CNOT4: variants seen among roughly 807,000 people sequenced by gnomAD.
The protein encoded by CNOT4 is CCR4-associated factor 4.
In CNOT4, 8 loss-of-function variants were observed where a neutral mutation model predicts 73.8. That is an observed-to-expected ratio of 0.11 (90% confidence interval 0.06 to 0.20). CNOT4 has a LOEUF of 0.20. Among genes scored for constraint, CNOT4 ranks in the 10% least tolerant of loss-of-function variants. The pLI is 1.00. For missense variants in CNOT4, 564 were observed against 883.4 expected (o/e 0.64, Z 4.58); for synonymous variants, 293 against 321.1 (o/e 0.91, Z 0.94).
chr7:135,410,154 A>ATAGTAT (rs1797516724), intron 7 of CNOT4, among the ~76,000 whole-genome samples: 2 of 152,086 alleles, frequency 1.3e-5, no homozygotes, highest in African/African-American at 4.8e-5. Flanking sequence ...TTTCCCTTTT[A>ATAGTAT]TAGTATTTTC....
chr7:135,471,640 T>C (rs937613399), intron 1 of CNOT4, among the ~76,000 whole-genome samples: 7 of 152,250 alleles, frequency 4.6e-5, no homozygotes, highest in Non-Finnish European at 8.8e-5. Context: ...TATTTAATTA[T>C]TGTCTTTTAT....
rs372358752 is a variant in CNOT4, at chr7:135,426,341, G to A, written c.175-3988C>T. On this transcript the variant is annotated intron_variant, in intron 2 of 11. Transcript: ENST00000541284. ...ACAAAGGCTGGGCACGGTGGCTCAC[G>A]CCTGTAATCCCAGCACTTTGGGAGG... Among the ~76,000 whole-genome samples the A allele has an allele frequency of 4.6e-5, 7 of 152,232 alleles. No individual in the cohort carries two copies. In the East Asian group the frequency reaches 5.8e-4, roughly 13 times the overall value.
chr7:135,466,693 T>C (rs530120009), intron 1 of CNOT4, among the ~76,000 whole-genome samples: 11 of 152,312 alleles, frequency 7.2e-5, no homozygotes, highest in South Asian at 2.1e-4. Context: ...GCTCCATTCA[T>C]GGTGAATGCC....
chr7:135,408,304 A>G (rs1797405759), intron 7 of CNOT4, among the ~76,000 whole-genome samples: 1 of 152,196 alleles, frequency 6.6e-6, no homozygotes, highest in Non-Finnish European at 1.5e-5. Flanking sequence ...GAAATACTAC[A>G]TAGCCATAAA....
chr7:135,496,884 G>T (rs1803621504), intron 1 of CNOT4, among the ~76,000 whole-genome samples: 1 of 151,832 alleles, frequency 6.6e-6, no homozygotes, highest in Admixed American at 6.6e-5. Context: ...ACAGCTCACT[G>T]CAGCCTCGAT....
rs55732572 is a variant in CNOT4 at position 135,453,826 on chromosome 7, T to TTATATA, written c.-92-15409_-92-15404dup. 4.7e-3 allele frequency among the ~76,000 whole-genome samples: 423 copies of TTATATA among 89,896 alleles called. 8 individuals are homozygous for TTATATA. The highest frequency in any genetic ancestry group is 0.014 in the African/African-American group (368 of 25,624). 59.0% of individuals were successfully genotyped at this position (89,896 alleles called of 152,430 possible). A position where few individuals can be genotyped will look rare whatever the true frequency, so the allele number is the denominator to read the frequency against. On this transcript the variant is annotated intron_variant, in intron 1 of 11. Coordinates refer to ENST00000541284, the MANE Select transcript of CNOT4 (RefSeq NM_001190850.2). ...AATATATATAATAAATATATATATT[T>TTATATA]TATATATATATATATATATATTATA...
intron 6 of CNOT4, among the ~76,000 whole-genome samples, chr7:135,413,061 G>A (rs934974704): frequency 1.1e-4 from 17 of 151,936 alleles, no homozygotes; most frequent in African/African-American, 3.9e-4. Context: ...TTTCTAGCAA[G>A]CTCTGTAAAG....
At chr7:135,448,373 T>A (rs1444398097) in intron 1 of CNOT4, among the ~76,000 whole-genome samples, 1 of 151,842 alleles carries the variant, frequency 6.6e-6, no homozygotes, top group African/African-American at 2.4e-5. Context: ...TGAAACTCCA[T>A]CTCCACTAAA....
At chr7:135,390,574 A>G (rs1435949416) in intron 10 of CNOT4, among the ~76,000 whole-genome samples, 2 of 152,150 alleles carry the variant, frequency 1.3e-5, no homozygotes, top group African/African-American at 2.4e-5. Context: ...TCACCTAATT[A>G]AGGAAATAAC....
intron 1 of CNOT4, among the ~76,000 whole-genome samples, chr7:135,461,999 A>C (rs574626572): frequency 6.6e-6 from 1 of 152,234 alleles, no homozygotes; most frequent in South Asian, 2.1e-4. Flanking sequence ...GACAGTCCAG[A>C]GATTTATTAA....
chr7:135,374,946 A>C (rs1043351037), intron 10 of CNOT4, among the ~76,000 whole-genome samples: 29 of 152,232 alleles, frequency 1.9e-4, no homozygotes, highest in Non-Finnish European at 4.4e-5. Flanking sequence ...GAACGCCTAA[A>C]AAAGTAACAT....
intron 7 of CNOT4, among the ~76,000 whole-genome samples, chr7:135,407,884 A>T (rs774936431): frequency 1.1e-4 from 17 of 152,252 alleles, no homozygotes; most frequent in Admixed American, 5.2e-4. Context: ...TGTATTTTGA[A>T]ACACAAATAA....
At position 135,509,882 on chromosome 7, in the gene CNOT4, G is replaced by C; in HGVS notation, c.-93+7C>G. 1 of 395,388 alleles carries C rather than the reference G, an allele frequency of 2.5e-6. No homozygotes were observed. Among genetic ancestry groups the C allele is most frequent in the Non-Finnish European group, 4.5e-6 (1 of 224,374 alleles). The allele number at this position is 395,388 out of a possible 1,614,324, so 24.5% of individuals were successfully genotyped here. On this transcript the variant is annotated splice_region_variant and intron_variant, in intron 1 of 11. Coordinates refer to ENST00000541284, the MANE Select transcript of CNOT4 (RefSeq NM_001190850.2). Reference sequence around the variant, plus strand: ...TTTCCCCTAAGCCCAGCCCCGCATAGACTCACCCGCCTGCCTTGCCTCGCT... The same window carrying C: ...TTTCCCCTAAGCCCAGCCCCGCATACACTCACCCGCCTGCCTTGCCTCGCT...
At chr7:135,471,835 G>A (rs573223314) in intron 1 of CNOT4, among the ~76,000 whole-genome samples, 3 of 152,298 alleles carry the variant, frequency 2.0e-5, no homozygotes, top group African/African-American at 7.2e-5. Context: ...ATGCCTAGCG[G>A]AGAGTTGGAA....
intron 7 of CNOT4, among the ~76,000 whole-genome samples, chr7:135,400,622 T>G (rs1796957738): frequency 6.6e-6 from 1 of 152,128 alleles, no homozygotes; most frequent in Non-Finnish European, 1.5e-5. Flanking sequence ...CTTAAGGATG[T>G]TTCTGGATTA....
intron 1 of CNOT4, among the ~76,000 whole-genome samples, chr7:135,440,428 G>C (rs1415704670): frequency 1.3e-5 from 2 of 151,622 alleles, no homozygotes. Context: ...TCTTTCAAAA[G>C]AGGAAATGGG....
chr7:135,493,025 TAC>T (rs1803218683), intron 1 of CNOT4, among the ~76,000 whole-genome samples: 1 of 152,162 alleles, frequency 6.6e-6, no homozygotes, highest in African/African-American at 2.4e-5. Flanking sequence ...CATGAGGATT[TAC>T]AGACAATATA....
At chr7:135,476,277 A>G (rs530232483) in intron 1 of CNOT4, among the ~76,000 whole-genome samples, 1 of 152,248 alleles carries the variant, frequency 6.6e-6, no homozygotes, top group East Asian at 1.9e-4. Flanking sequence ...TACCCAACCC[A>G]CAAGATCAGC....
intron 1 of CNOT4, among the ~76,000 whole-genome samples, chr7:135,508,513 C>A (rs1804519698): frequency 6.6e-6 from 1 of 152,142 alleles, no homozygotes; most frequent in Non-Finnish European, 1.5e-5. Flanking sequence ...GTCGATTTTT[C>A]TTTTGCATAC....
Sources: gnomAD v4.1 joint callset for allele counts (sites outside exome capture counted in the v4.1 genomes callset) on GRCh38, gnomAD v4.1.1 for gene constraint, MANE v1.5 for transcripts, NCBI Gene and HGNC (gene_info 2026-07-23, HGNC 2026-07-21) for gene names.